The following PRKAR2A variants were observed in gnomAD, a reference collection of about 807,000 sequenced individuals.
PRKAR2A encodes cAMP-dependent protein kinase type II-alpha regulatory subunit.
PRKAR2A carries 29 observed loss-of-function variants against 51.9 expected under a neutral mutation model. The ratio of observed to expected loss-of-function variants is 0.56; its 90% CI spans 0.42 to 0.76. PRKAR2A has a LOEUF of 0.76. PRKAR2A is among the 30% of genes least tolerant of loss of function. The pLI is 0.00. For synonymous variants in PRKAR2A, 178 were observed against 186.2 expected (o/e 0.96, Z 0.36); for missense variants, 445 against 512.1 (o/e 0.87, Z 1.26).
chr3:48,805,904 A>G (rs987712707), intron 2 of PRKAR2A, among the ~76,000 whole-genome samples: 1 of 152,224 alleles, frequency 6.6e-6, no homozygotes, highest in Non-Finnish European at 1.5e-5. Context: ...CAAGATTTGA[A>G]CAACAATGGC....
chr3:48,801,015 C>G (rs1575899972), intron 2 of PRKAR2A, among the ~76,000 whole-genome samples: 1 of 151,958 alleles, frequency 6.6e-6, no homozygotes. Flanking sequence ...GACAGTCTCA[C>G]TCATCGTCCA....
chr3:48,812,624 A>G (rs1440335333), intron 1 of PRKAR2A, among the ~76,000 whole-genome samples: 1 of 151,884 alleles, frequency 6.6e-6, no homozygotes, highest in Admixed American at 6.6e-5. Context: ...CTGGGACTAC[A>G]GGCGCCTGCC....
intron 6 of PRKAR2A, among the ~76,000 whole-genome samples, chr3:48,768,294 AAGATAGATAGATAGAT>A (rs561041221): frequency 1.9e-4 from 26 of 140,098 alleles, no homozygotes; most frequent in African/African-American, 3.8e-4. Context: ...ACCGTCTCAA[AAGATAGATAGATAGAT>A]AGATAGATAG....
At chr3:48,775,615 C>T (rs1001542838) in intron 5 of PRKAR2A, among the ~76,000 whole-genome samples, 3 of 151,032 alleles carry the variant, frequency 2.0e-5, no homozygotes, top group South Asian at 2.1e-4. Context: ...ATATAGCAAA[C>T]GCCTTAAAAA....
At chr3:48,763,032 G>A (rs972599003) in intron 8 of PRKAR2A, among the ~76,000 whole-genome samples, 1 of 152,126 alleles carries the variant, frequency 6.6e-6, no homozygotes, top group African/African-American at 2.4e-5. Flanking sequence ...ATGGGTGATG[G>A]AAATACCACT....
chr3:48,796,036 G>A (rs1471391924), intron 2 of PRKAR2A, among the ~76,000 whole-genome samples: 1 of 152,176 alleles, frequency 6.6e-6, no homozygotes, highest in Non-Finnish European at 1.5e-5. Flanking sequence ...TGAATAAAGA[G>A]TTTTGTACTT....
chr3:48,832,930 C>A (rs1056728993), intron 1 of PRKAR2A, among the ~76,000 whole-genome samples: 1 of 152,156 alleles, frequency 6.6e-6, no homozygotes, highest in African/African-American at 2.4e-5. Flanking sequence ...CATACAGTCT[C>A]CAGATTGTGC....
intron 1 of PRKAR2A, among the ~76,000 whole-genome samples, chr3:48,843,131 G>A (rs1228107135): frequency 2.0e-5 from 3 of 152,184 alleles, no homozygotes; most frequent in Non-Finnish European, 2.9e-5. Flanking sequence ...CTTCTTCCCA[G>A]TTTAGTCTTG....
intron 6 of PRKAR2A, among the ~76,000 whole-genome samples, chr3:48,770,743 T>C (rs1356204142): frequency 6.6e-6 from 1 of 151,914 alleles, no homozygotes. Context: ...GGGTGGTGAG[T>C]AGCACCATGG....
chr3:48,788,272 G>A (rs2082327007), intron 4 of PRKAR2A, among the ~76,000 whole-genome samples: 1 of 151,840 alleles, frequency 6.6e-6, no homozygotes, highest in Non-Finnish European at 1.5e-5. Context: ...CTCATGATCC[G>A]CCCACTTCGG....
intron 1 of PRKAR2A, among the ~76,000 whole-genome samples, chr3:48,834,716 C>T (rs1310834210): frequency 7.0e-6 from 1 of 143,772 alleles, no homozygotes; most frequent in Non-Finnish European, 1.5e-5. Context: ...AGAGTGAGAA[C>T]CTGTCTCAAG....
intron 6 of PRKAR2A, among the ~76,000 whole-genome samples, chr3:48,766,467 G>A (rs1335013769): frequency 6.6e-6 from 1 of 152,012 alleles, no homozygotes; most frequent in Non-Finnish European, 1.5e-5. Context: ...TTGGGAGGCT[G>A]AGGCTGGAGA....
intron 1 of PRKAR2A, among the ~76,000 whole-genome samples, chr3:48,840,026 C>T (rs977477819): frequency 2.6e-5 from 4 of 152,168 alleles, no homozygotes; most frequent in Non-Finnish European, 5.9e-5. Context: ...CACCCTATTA[C>T]ACCTTCCCCC....
intron 1 of PRKAR2A, among the ~76,000 whole-genome samples, chr3:48,835,249 G>T (rs1489071636): frequency 6.6e-6 from 1 of 151,932 alleles, no homozygotes; most frequent in Admixed American, 6.6e-5. Flanking sequence ...GGGATTACAG[G>T]CGTGAGCCAC....
chr3:48,778,867 C>T (rs1315506433), intron 5 of PRKAR2A, among the ~76,000 whole-genome samples: 2 of 144,640 alleles, frequency 1.4e-5, no homozygotes. Flanking sequence ...CTATTGTTGC[C>T]CAGGCTGGAG....
downstream of PRKAR2A, among the ~76,000 whole-genome samples, chr3:48,745,829 G>A (rs1178565414): frequency 2.6e-5 from 4 of 152,020 alleles, no homozygotes; most frequent in Admixed American, 6.6e-5. Context: ...CTGAGTCATC[G>A]TGCCCAGCCT....
chr3:48,793,936 G>T, intron 3 of PRKAR2A, 61 bp downstream of exon 3: 1 of 1,289,194 alleles, frequency 7.8e-7, no homozygotes, highest in South Asian at 1.2e-5. Flanking sequence ...TTGGTATGTA[G>T]AGAAGGGGAG....
intron 1 of PRKAR2A, among the ~76,000 whole-genome samples, chr3:48,843,196 G>A (rs1341112527): frequency 1.3e-5 from 2 of 152,088 alleles, no homozygotes; most frequent in Non-Finnish European, 2.9e-5. Flanking sequence ...GTTTATTTGC[G>A]TAGAGGTGTT....
In PRKAR2A at chr3:48,825,028, C is replaced by CTT. The variant is rs1168503342; in HGVS notation, c.263-17346_263-17345dup. 3.9e-3 allele frequency among the ~76,000 whole-genome samples: 292 copies of CTT among 74,672 alleles called. 4 individuals carry two copies. Among genetic ancestry groups the CTT allele is most frequent in the African/African-American group, 0.011 (214 of 19,306 alleles). 49.0% of individuals were successfully genotyped at this position (74,672 alleles called of 152,430 possible). On this transcript the variant is annotated intron_variant, in intron 1 of 10. Transcript: ENST00000265563. ...CTTGAATTTATACTGATTTTCTTTT[C>CTT]TTTTTTTTTTTTTTTTTTTTTTGGA...
Sources: allele counts gnomAD v4.1 joint callset (sites outside exome capture counted in the v4.1 genomes callset), GRCh38; gene constraint gnomAD v4.1.1; transcripts MANE v1.5; gene names NCBI Gene and HGNC (gene_info 2026-07-23, HGNC 2026-07-21).